Variants in NDUFA5 observed in about 807,000 individuals in gnomAD.
The protein encoded by NDUFA5 is NADH:ubiquinone oxidoreductase subunit A5, also known as NADH dehydrogenase [ubiquinone] 1 alpha subcomplex subunit 5.
NDUFA5 carries 11 observed loss-of-function variants against 19.8 expected under a neutral mutation model. The ratio of observed to expected loss-of-function variants is 0.56; its 90% CI spans 0.35 to 0.92. The LOEUF (loss-of-function observed/expected upper bound fraction) is 0.92, where lower values mean the gene tolerates loss of function less well. Among genes scored for constraint, NDUFA5 ranks in the 40% least tolerant of loss-of-function variants. The probability of loss-of-function intolerance (pLI) is 0.01; values close to 1 mark genes in which losing one functional copy is unlikely to be tolerated. For synonymous variants in NDUFA5, 47 were observed against 46.8 expected (o/e 1.00, Z -0.01); for missense variants, 109 against 134.2 (o/e 0.81, Z 0.93).
intron 3 of NDUFA5, chr7:123,546,955 C>T: frequency 2.7e-6 from 1 of 364,272 alleles, no homozygotes; most frequent in Middle Eastern, 8.0e-4. Context: ...TCCATATAGT[C>T]CCTAACTGCA....
Position 123,557,262 on chromosome 7 carries a change from A to G in NDUFA5, c.66+142T>C, listed in dbSNP as rs1006690798. The stretch of plus-strand genomic sequence containing the variant: ...CATCGGATCAACGAAGTAGGTGGAC[A>G]GCGCCCGTGTCTCAAGAGCTCACGC... On this transcript the variant is annotated intron_variant, in intron 2 of 4. Coordinates refer to ENST00000355749, the MANE Select transcript of NDUFA5 (RefSeq NM_005000.5). 7 of 1,161,798 alleles carry G rather than the reference A, an allele frequency of 6.0e-6. No individual in the cohort carries two copies. The African/African-American group carries it at 6.1e-5, about 10-fold the overall frequency. The allele number at this position is 1,161,798 out of a possible 1,614,324, so 72.0% of individuals were successfully genotyped here.
the NDUFA5 span, among the ~76,000 whole-genome samples, chr7:123,563,635 G>T: frequency 6.6e-6 from 1 of 152,226 alleles, no homozygotes; most frequent in Non-Finnish European, 1.5e-5. Context: ...GGTGCTAATA[G>T]ACTTGCTTGA....
At chr7:123,570,441 T>C in the NDUFA5 span, among the ~76,000 whole-genome samples, 1 of 151,876 alleles carries the variant, frequency 6.6e-6, no homozygotes, top group East Asian at 1.9e-4. Flanking sequence ...CAGGGACTGT[T>C]ACTGGTATAA....
chr7:123,582,546 G>A, the NDUFA5 span, among the ~76,000 whole-genome samples: 107 of 151,990 alleles, frequency 7.0e-4, 1 homozygote, highest in Admixed American at 6.7e-3. Flanking sequence ...TCCTCAATGC[G>A]TTCTGTGACC....
chr7:123,547,463 G>C (rs1798176731), intron 3 of NDUFA5, among the ~76,000 whole-genome samples: 1 of 150,610 alleles, frequency 6.6e-6, no homozygotes, highest in African/African-American at 2.4e-5. Flanking sequence ...ATTTTTATCT[G>C]TTTTGTGCCA....
the NDUFA5 span, among the ~76,000 whole-genome samples, chr7:123,585,560 G>GA: frequency 6.6e-6 from 1 of 151,604 alleles, no homozygotes; most frequent in African/African-American, 2.4e-5. Context: ...GTGATTGTTT[G>GA]ATATATTTAC....
chr7:123,588,931 T>A, the NDUFA5 span, among the ~76,000 whole-genome samples: 1 of 152,028 alleles, frequency 6.6e-6, no homozygotes, highest in Middle Eastern at 3.4e-3. Context: ...TTGGAAAAGA[T>A]AATTGATATG....
chr7:123,566,898 A>G, the NDUFA5 span: 1 of 152,222 alleles, frequency 6.6e-6, no homozygotes, highest in Admixed American at 6.5e-5. Context: ...TTATGAGGTC[A>G]TAGTCTTTGT....
the NDUFA5 span, among the ~76,000 whole-genome samples, chr7:123,563,122 G>A: frequency 1.1e-3 from 161 of 152,124 alleles, no homozygotes; most frequent in Non-Finnish European, 1.8e-3. Context: ...TTTATCATTC[G>A]TGTGTTAACA....
At chr7:123,559,288 C>T (rs1425896929), upstream of NDUFA5, among the ~76,000 whole-genome samples, 4 of 147,716 alleles carry the variant, frequency 2.7e-5, no homozygotes, top group African/African-American at 1.0e-4. Context: ...CTAGATCTAA[C>T]ATAATTAAAG....
chr7:123,572,385 C>A, the NDUFA5 span, among the ~76,000 whole-genome samples: 2 of 151,508 alleles, frequency 1.3e-5, no homozygotes, highest in African/African-American at 4.8e-5. Context: ...ATGATCCGCC[C>A]GCCTCAGCCT....
chr7:123,567,270 G>C, the NDUFA5 span, among the ~76,000 whole-genome samples: 1 of 152,130 alleles, frequency 6.6e-6, no homozygotes, highest in Non-Finnish European at 1.5e-5. Context: ...GGGGATCAAA[G>C]GCCCTGTGTT....
the NDUFA5 span, among the ~76,000 whole-genome samples, chr7:123,599,750 C>T: frequency 6.6e-6 from 1 of 152,194 alleles, no homozygotes; most frequent in Non-Finnish European, 1.5e-5. Context: ...TGAAACAGTA[C>T]ATGCATTTCT....
the NDUFA5 span, chr7:123,566,956 T>A: frequency 6.6e-6 from 1 of 152,218 alleles, no homozygotes; most frequent in Non-Finnish European, 1.5e-5. Flanking sequence ...TAGGATGTAT[T>A]CTAGAATATA....
At chr7:123,598,086 A>G in the NDUFA5 span, among the ~76,000 whole-genome samples, 1 of 152,072 alleles carries the variant, frequency 6.6e-6, no homozygotes, top group African/African-American at 2.4e-5. Flanking sequence ...CACTCCCAGA[A>G]GTGCCTAGCC....
At chr7:123,564,005 T>C in the NDUFA5 span, among the ~76,000 whole-genome samples, 1 of 152,218 alleles carries the variant, frequency 6.6e-6, no homozygotes. Context: ...ACTACATTAA[T>C]ATTCTATACT....
At chr7:123,600,625 C>T in the NDUFA5 span, among the ~76,000 whole-genome samples, 1 of 152,120 alleles carries the variant, frequency 6.6e-6, no homozygotes, top group African/African-American at 2.4e-5. Context: ...ATGCAATGAT[C>T]TAACTTTTAC....
intron 3 of NDUFA5, among the ~76,000 whole-genome samples, chr7:123,547,355 C>A (rs77427581): frequency 0.079 from 12,085 of 152,116 alleles, 545 homozygotes; most frequent in African/African-American, 0.12. Context: ...ACTGCACTTA[C>A]TATTTTCTAA....
the NDUFA5 span, among the ~76,000 whole-genome samples, chr7:123,568,365 A>T: frequency 6.6e-6 from 1 of 151,676 alleles, no homozygotes; most frequent in Admixed American, 6.6e-5. Context: ...AAAAAAAAAT[A>T]CAAAATTAGC....
Sources: gnomAD v4.1 joint callset for allele counts (sites outside exome capture counted in the v4.1 genomes callset) on GRCh38, gnomAD v4.1.1 for gene constraint, MANE v1.5 for transcripts, NCBI Gene and HGNC (gene_info 2026-07-23, HGNC 2026-07-21) for gene names.